BLTP3A: variants seen among roughly 807,000 people sequenced by gnomAD.
BLTP3A encodes the protein bridge-like lipid transfer protein family member 3A.
the BLTP3A span, chr6:34,856,903 C>T: frequency 2.4e-5 from 38 of 1,613,834 alleles, no homozygotes; most frequent in African/African-American, 8.0e-5. Flanking sequence ...CATGGTGGTA[C>T]GGGTGGATGA....
chr6:34,858,393 T>C, the BLTP3A span: 1 of 1,614,196 alleles, frequency 6.2e-7, no homozygotes, highest in Non-Finnish European at 8.5e-7. Flanking sequence ...TGCCTCAGCC[T>C]AATACCCTCC....
the BLTP3A span, among the ~76,000 whole-genome samples, chr6:34,869,965 A>G: frequency 6.6e-6 from 1 of 152,068 alleles, no homozygotes; most frequent in Non-Finnish European, 1.5e-5. Context: ...GCTTTTTGAA[A>G]ACAGCTTTAT....
the BLTP3A span, among the ~76,000 whole-genome samples, chr6:34,829,880 C>G: frequency 2.8e-4 from 42 of 152,272 alleles, no homozygotes; most frequent in South Asian, 8.5e-3. Context: ...TCTCGGCTCA[C>G]TGCAACCTCC....
chr6:34,810,013 A>G, the BLTP3A span, among the ~76,000 whole-genome samples: 1 of 152,234 alleles, frequency 6.6e-6, no homozygotes, highest in African/African-American at 2.4e-5. Flanking sequence ...AAGGAAGATA[A>G]ATACATTTAC....
chr6:34,793,242 A>T, the BLTP3A span, among the ~76,000 whole-genome samples: 2 of 152,222 alleles, frequency 1.3e-5, no homozygotes, highest in South Asian at 4.1e-4. Context: ...ACCAGTGGCC[A>T]CAAAAATTGG....
the BLTP3A span, among the ~76,000 whole-genome samples, chr6:34,847,921 C>CTTTCTTTTTTTTTTTTTTTT: frequency 1.1e-5 from 1 of 91,154 alleles, no homozygotes; most frequent in Non-Finnish European, 2.0e-5. Flanking sequence ...TCTTTTTTTC[C>CTTTCTTTTTTTTTTTTTTTT]TTTTTTTTTT....
chr6:34,818,014 C>T, the BLTP3A span, among the ~76,000 whole-genome samples: 6 of 152,042 alleles, frequency 3.9e-5, no homozygotes, highest in South Asian at 2.1e-4. Context: ...CCACCACGAC[C>T]GGCTAATTTT....
At chr6:34,859,260 C>T in the BLTP3A span, 3 of 1,614,022 alleles carry the variant, frequency 1.9e-6, no homozygotes, top group Non-Finnish European at 2.5e-6. Flanking sequence ...CAGGGAAGGG[C>T]CATGAGGCAG....
At chr6:34,834,523 A>G in the BLTP3A span, 1 of 1,446,466 alleles carries the variant, frequency 6.9e-7, no homozygotes, top group Non-Finnish European at 9.4e-7. Context: ...ATTCCTGGGA[A>G]CCCAGAGGCC....
the BLTP3A span, among the ~76,000 whole-genome samples, chr6:34,804,372 A>G: frequency 1.3e-5 from 2 of 152,188 alleles, no homozygotes; most frequent in Non-Finnish European, 2.9e-5. Flanking sequence ...AAGCAGTAGG[A>G]ACTCAAAGAC....
chr6:34,871,102 A>C, the BLTP3A span: 1 of 1,613,932 alleles, frequency 6.2e-7, no homozygotes, highest in Non-Finnish European at 8.5e-7. Context: ...TCTGAACTCC[A>C]GCATCACCCT....
chr6:34,848,788 A>G, the BLTP3A span, among the ~76,000 whole-genome samples: 1 of 151,702 alleles, frequency 6.6e-6, no homozygotes, highest in Non-Finnish European at 1.5e-5. Context: ...GTGTCTTTTG[A>G]TTGGAGTGTT....
chr6:34,859,161 A>C, the BLTP3A span: 1 of 1,614,168 alleles, frequency 6.2e-7, no homozygotes, highest in South Asian at 1.1e-5. Flanking sequence ...TCTTGGAGGA[A>C]AGTAGCATTG....
chr6:34,809,416 A>G, the BLTP3A span, among the ~76,000 whole-genome samples: 1 of 152,202 alleles, frequency 6.6e-6, no homozygotes, highest in Non-Finnish European at 1.5e-5. Context: ...TCAGATCAAT[A>G]TTCATTGTGA....
chr6:34,871,692 G>A, the BLTP3A span: 26 of 1,614,178 alleles, frequency 1.6e-5, no homozygotes, highest in Admixed American at 2.2e-4. Flanking sequence ...CCACATAGGC[G>A]GTGAGTCAGG....
At chr6:34,822,637 C>G in the BLTP3A span, among the ~76,000 whole-genome samples, 10 of 151,982 alleles carry the variant, frequency 6.6e-5, no homozygotes, top group Admixed American at 1.3e-4. Context: ...GGGTAGATTA[C>G]CTGAGGTCAG....
the BLTP3A span, among the ~76,000 whole-genome samples, chr6:34,826,026 A>ATTCTTTTTTTT: frequency 3.9e-5 from 3 of 76,648 alleles, no homozygotes; most frequent in Admixed American, 1.2e-4. Flanking sequence ...TACATTTTGC[A>ATTCTTTTTTTT]TTTTTTTTTT....
At chr6:34,806,583 A>G in the BLTP3A span, among the ~76,000 whole-genome samples, 16 of 152,168 alleles carry the variant, frequency 1.1e-4, no homozygotes, top group Admixed American at 4.6e-4. Flanking sequence ...TCTTATCCTC[A>G]GTTTCTTCCT....
chr6:34,813,316 T>C, the BLTP3A span, among the ~76,000 whole-genome samples: 3 of 152,346 alleles, frequency 2.0e-5, no homozygotes, highest in South Asian at 2.1e-4. Flanking sequence ...TGTTTCCTCA[T>C]TGGCAAATGT....
Sources: allele counts gnomAD v4.1 joint callset (sites outside exome capture counted in the v4.1 genomes callset), GRCh38; gene constraint gnomAD v4.1.1; transcripts MANE v1.5; gene names NCBI Gene and HGNC (gene_info 2026-07-23, HGNC 2026-07-21).